The following CD200R1 variants were observed in gnomAD, a reference collection of about 807,000 sequenced individuals.
The protein encoded by CD200R1 is cell surface glycoprotein CD200 receptor 1.
CD200R1 carries 30 observed loss-of-function variants against 38.1 expected under a neutral mutation model. That is an observed-to-expected ratio of 0.79 (90% confidence interval 0.59 to 1.07). CD200R1 has a LOEUF of 1.07. Among genes scored for constraint, CD200R1 ranks in the 50% least tolerant of loss-of-function variants. CD200R1 has a pLI of 0.00. For missense variants in CD200R1, 372 were observed against 415.4 expected, an observed-to-expected ratio of 0.90 and a Z score of 0.91; for synonymous variants, 128 against 152.1, an observed-to-expected ratio of 0.84 and a Z score of 1.16.
chr3:112,927,621 G>A (rs1047337630), intron 5 of CD200R1, among the ~76,000 whole-genome samples: 92 of 152,124 alleles, frequency 6.0e-4, no homozygotes, highest in Non-Finnish European at 4.4e-5. Flanking sequence ...ATAGACACAG[G>A]CTAAGTAGAG....
chr3:112,930,687 T>C (rs1940409574), intron 3 of CD200R1, among the ~76,000 whole-genome samples: 1 of 152,200 alleles, frequency 6.6e-6, no homozygotes, highest in African/African-American at 2.4e-5. Context: ...GGGCAAACCT[T>C]TATGTGGGTG....
chr3:112,929,384 T>A lies in CD200R1; in HGVS notation c.326A>T (p.Lys109Ile). The A allele has an allele frequency of 6.2e-7, 1 of 1,614,044 alleles. No individual in the cohort carries two copies. The highest frequency in any genetic ancestry group is 2.2e-5 in the East Asian group (1 of 44,884). ...IILRGQPSCT[K>I]AYKKETNETK... ...CTCATTTGTTTCTTTCTTGTAGGCT[T>A]TTGTGCAGGAAGGCTGGCCTCTCAG... Residue 109 changes from lysine to isoleucine, a missense_variant, in exon 4 of 8, where the codon AAA (lysine) becomes ATA (isoleucine). By Grantham distance (102) the Lys-to-Ile change is moderately radical. Coordinates refer to ENST00000308611, the MANE Select transcript of CD200R1 (RefSeq NM_138806.4).
At chr3:112,970,374 C>T (rs1022049232) in intron 1 of CD200R1, among the ~76,000 whole-genome samples, 1 of 152,048 alleles carries the variant, frequency 6.6e-6, no homozygotes. Context: ...CTGATTGTGA[C>T]TGTGTCTATT....
At chr3:112,952,044 C>CA (rs34215425) in intron 1 of CD200R1, among the ~76,000 whole-genome samples, 86 of 136,340 alleles carry the variant, frequency 6.3e-4, no homozygotes, top group East Asian at 4.7e-3. Flanking sequence ...AAAAGAATAA[C>CA]AAAAAAAAAA....
intron 1 of CD200R1, among the ~76,000 whole-genome samples, chr3:112,955,782 G>C (rs1052591336): frequency 6.7e-6 from 1 of 149,940 alleles, no homozygotes; most frequent in Non-Finnish European, 1.5e-5. Flanking sequence ...TGATTGGTAG[G>C]GTTTTTCATT....
intron 1 of CD200R1, among the ~76,000 whole-genome samples, chr3:112,961,068 C>T (rs548121274): frequency 1.3e-3 from 190 of 151,822 alleles, no homozygotes; most frequent in Non-Finnish European, 2.4e-3. Flanking sequence ...AAAAGAAAGG[C>T]GGGCGGTGAA....
chr3:112,941,266 T>A (rs145359728), intron 2 of CD200R1, among the ~76,000 whole-genome samples: 9 of 151,806 alleles, frequency 5.9e-5, no homozygotes, highest in African/African-American at 2.2e-4. Flanking sequence ...TAGTTCACAA[T>A]AATATATTAC....
At chr3:112,934,717 C>T (rs998670712) in intron 2 of CD200R1, among the ~76,000 whole-genome samples, 8 of 152,100 alleles carry the variant, frequency 5.3e-5, no homozygotes, top group Non-Finnish European at 1.2e-4. Context: ...GTAATCCCAG[C>T]TACTCAGGAG....
At chr3:112,963,368 T>A (rs960639694) in intron 1 of CD200R1, among the ~76,000 whole-genome samples, 1 of 152,176 alleles carries the variant, frequency 6.6e-6, no homozygotes, top group African/African-American at 2.4e-5. Flanking sequence ...GTTAGGAACA[T>A]CCTAGAGACT....
chr3:112,932,703 C>G (rs113949835), intron 2 of CD200R1, among the ~76,000 whole-genome samples: 18 of 152,184 alleles, frequency 1.2e-4, no homozygotes, highest in African/African-American at 3.6e-4. Flanking sequence ...GGACACATCC[C>G]CAGACCTACA....
rs916203955 is a variant in CD200R1 at position 112,928,745 on chromosome 3, C to T, written c.769+71G>A. The T allele has an allele frequency of 2.4e-5, 29 of 1,226,926 alleles. 1 individual carries two copies. The highest frequency in any genetic ancestry group is 1.1e-6 in the Non-Finnish European group (1 of 875,602). 76.0% of individuals were successfully genotyped at this position (1,226,926 alleles called of 1,614,324 possible). ...CATCCTCGAACAAAATATATTTGCA[C>T]ATCTTTTTTTTTCTTAACTCTTTTA... On this transcript the variant is annotated intron_variant, in intron 5 of 7. Transcript: ENST00000308611.
At chr3:112,954,724 A>G in intron 1 of CD200R1, among the ~76,000 whole-genome samples, 1 of 152,218 alleles carries the variant, frequency 6.6e-6, no homozygotes, top group East Asian at 1.9e-4. Flanking sequence ...CGGAAAGAGC[A>G]TGGGAATTCT....
chr3:112,962,168 G>A (rs1225337712), intron 1 of CD200R1, among the ~76,000 whole-genome samples: 1 of 151,970 alleles, frequency 6.6e-6, no homozygotes, highest in Non-Finnish European at 1.5e-5. Flanking sequence ...TTGTTTTTTG[G>A]GTTTTAATTT....
At chr3:112,969,349 G>C (rs1190262809) in intron 1 of CD200R1, among the ~76,000 whole-genome samples, 2 of 151,416 alleles carry the variant, frequency 1.3e-5, no homozygotes, top group African/African-American at 4.9e-5. Flanking sequence ...CTCCTCACTA[G>C]CAGACCTACA....
In CD200R1 at chr3:112,957,926, A is replaced by G. The variant is rs536103255; in HGVS notation, c.68-10002T>C. On this transcript the variant is annotated intron_variant, in intron 1 of 7. Coordinates refer to ENST00000308611, the MANE Select transcript of CD200R1 (RefSeq NM_138806.4). ...AACCATAAAATAAATGCAGATATAA[A>G]ACATAGTGAGATAATGATTACACAC... is the stretch of plus-strand genomic sequence containing the variant. 2.6e-5 allele frequency among the ~76,000 whole-genome samples: 4 copies of G among 152,300 alleles called. No individual in the cohort carries two copies. In the East Asian group the frequency reaches 7.7e-4, roughly 29 times the overall value.
intron 2 of CD200R1, among the ~76,000 whole-genome samples, chr3:112,933,741 T>C (rs1940511360): frequency 6.6e-6 from 1 of 151,590 alleles, no homozygotes; most frequent in Admixed American, 6.6e-5. Context: ...TTCAATAAAA[T>C]CAGGAAAACA....
Position 112,929,493 on chromosome 3 carries a change from G to A in CD200R1, c.217C>T (p.Pro73Ser). Residue 73 changes from proline to serine, a missense_variant, in exon 4 of 8, where the codon CCT becomes TCT. Coordinates refer to ENST00000308611, the MANE Select transcript of CD200R1 (RefSeq NM_138806.4). ...ACAGCATTTGTAGCCATCTTTACAG[G>A]CCATGAAGTGTTAACTGGACATGAA... ...KVLAEVNTSW[P>S]VKMATNAVLC... 1 of 1,611,542 alleles carries A rather than the reference G, an allele frequency of 6.2e-7. No homozygotes were observed. The highest frequency in any genetic ancestry group is 8.5e-7 in the Non-Finnish European group (1 of 1,179,156).
Position 112,947,814 on chromosome 3 carries a change from A to G in CD200R1, c.136+42T>C, listed in dbSNP as rs113398395. The G allele has an allele frequency of 3.4e-5, 45 of 1,308,486 alleles. 1 individual carries two copies. The African/African-American group carries it at 3.6e-4, about 11-fold the overall frequency. The allele number at this position is 1,308,486 out of a possible 1,614,324, so 81.1% of individuals were successfully genotyped here. A position where few individuals can be genotyped will look rare whatever the true frequency, so the allele number is the denominator to read the frequency against. Reference sequence around the variant, plus strand: ...AAATGTAAAACCTATATGGACATCAAGCACTCCCCTACTAGAATTATTGTT... The same window carrying G: ...AAATGTAAAACCTATATGGACATCAGGCACTCCCCTACTAGAATTATTGTT... On this transcript the variant is annotated intron_variant, in intron 2 of 7. Transcript: ENST00000308611.
rs976711100 is a variant in CD200R1 at position 112,959,729 on chromosome 3, G to T, written c.68-11805C>A. On this transcript the variant is annotated intron_variant, in intron 1 of 7. Transcript: ENST00000308611. ...TCTATTTTCTTTCAAACTTCAATAA[G>T]TCTCAAAGTTTCAAAGTTTCTTTCA... Among the ~76,000 whole-genome samples the T allele has an allele frequency of 3.9e-5, 6 of 151,944 alleles. No individual in the cohort carries two copies. In the East Asian group the frequency reaches 7.7e-4, roughly 19 times the overall value.
Sources: gnomAD v4.1 joint callset for allele counts (sites outside exome capture counted in the v4.1 genomes callset) on GRCh38, gnomAD v4.1.1 for gene constraint, MANE v1.5 for transcripts, NCBI Gene and HGNC (gene_info 2026-07-23, HGNC 2026-07-21) for gene names.